Variants in OLFM3 observed in about 807,000 individuals in gnomAD.
OLFM3 encodes olfactomedin 3.
OLFM3 carries 20 observed loss-of-function variants against 48.6 expected under a neutral mutation model. The ratio of observed to expected loss-of-function variants is 0.41; its 90% CI spans 0.29 to 0.60. OLFM3 has a LOEUF of 0.60. OLFM3 is among the 20% of genes least tolerant of loss of function. The pLI, the probability that OLFM3 is intolerant of heterozygous loss-of-function variation, is 0.28. For missense variants in OLFM3, 437 were observed against 544.3 expected (o/e 0.80, Z 1.96); for synonymous variants, 222 against 198.1 (o/e 1.12, Z -1.01).
rs1658032293 is a variant in OLFM3, at chr1:101,892,346, C to T, written c.70-55321G>A. Among the ~76,000 whole-genome samples, 5 of 152,016 alleles carry T rather than the reference C, an allele frequency of 3.3e-5. No individual in the cohort carries two copies. In the South Asian group the frequency reaches 1.0e-3, roughly 32 times the overall value. ...GAATATAAGAGACCCCAGCAGACAG[C>T]CAGTCAAATTTAAGCTTCTATACAA... On this transcript the variant is annotated intron_variant, in intron 1 of 5. Transcript: ENST00000370103.
intron 1 of OLFM3, among the ~76,000 whole-genome samples, chr1:101,985,950 A>G (rs922672974): frequency 1.3e-5 from 2 of 151,544 alleles, no homozygotes; most frequent in Non-Finnish European, 2.9e-5. Flanking sequence ...AAAGAATGAA[A>G]AAATGATGAA....
chr1:101,991,014 A>ATATATATAT (rs1303098017), intron 1 of OLFM3, among the ~76,000 whole-genome samples: 1 of 67,150 alleles, frequency 1.5e-5, no homozygotes, highest in African/African-American at 6.1e-5. Flanking sequence ...AAAAAAAAAA[A>ATATATATAT]AAATATATAT....
intron 1 of OLFM3, among the ~76,000 whole-genome samples, chr1:101,968,484 T>C (rs1214857531): frequency 6.9e-6 from 1 of 145,452 alleles, no homozygotes; most frequent in Non-Finnish European, 1.5e-5. Flanking sequence ...TGGGGTATCA[T>C]CTAGTAAAGG....
intron 1 of OLFM3, among the ~76,000 whole-genome samples, chr1:101,979,693 C>T (rs935880063): frequency 5.9e-5 from 9 of 152,244 alleles, no homozygotes; most frequent in East Asian, 1.9e-4. Flanking sequence ...TCTGCTAGGG[C>T]GGTACAGAAG....
At chr1:101,846,821 G>A (rs184672094) in intron 1 of OLFM3, 2 of 1,573,820 alleles carry the variant, frequency 1.3e-6, no homozygotes, top group East Asian at 2.2e-5. Context: ...TCTCAAGATG[G>A]CCAAACCCAC....
At chr1:101,827,505 G>C (rs1001715903) in intron 3 of OLFM3, among the ~76,000 whole-genome samples, 23 of 152,096 alleles carry the variant, frequency 1.5e-4, no homozygotes, top group Non-Finnish European at 2.9e-4. Flanking sequence ...ATTTTTAGTA[G>C]AGACAGGGTA....
At position 101,994,703 on chromosome 1, in the gene OLFM3, A is replaced by G. The variant is rs78186938; in HGVS notation, c.69+2045T>C. ...TAAAACTTTTTACAACATTAAAATT[A>G]CTTGTTTTGAAAGTTTTAATATTCT... On this transcript the variant is annotated intron_variant, in intron 1 of 5. Transcript: ENST00000370103. 1.8e-4 allele frequency among the ~76,000 whole-genome samples: 28 copies of G among 151,618 alleles called. 1 individual carries two copies. In the East Asian group the frequency reaches 5.0e-3, roughly 27 times the overall value.
chr1:101,815,492 A>G (rs1654292661), intron 4 of OLFM3, among the ~76,000 whole-genome samples: 1 of 151,912 alleles, frequency 6.6e-6, no homozygotes, highest in African/African-American at 2.4e-5. Flanking sequence ...GATTTAGGTG[A>G]AAGATGATGG....
At chr1:101,862,579 A>G (rs542007763) in intron 1 of OLFM3, among the ~76,000 whole-genome samples, 2 of 152,358 alleles carry the variant, frequency 1.3e-5, no homozygotes, top group South Asian at 4.1e-4. Flanking sequence ...CAATAAATGG[A>G]GGAATTCATT....
chr1:101,934,921 G>A (rs942193853), intron 1 of OLFM3, among the ~76,000 whole-genome samples: 2 of 152,056 alleles, frequency 1.3e-5, no homozygotes, highest in Admixed American at 6.6e-5. Context: ...TGAAACTAAT[G>A]AGACCAAAGA....
At chr1:101,824,675 ACAACAAC>A (rs1319892598) in intron 4 of OLFM3, among the ~76,000 whole-genome samples, 3 of 151,124 alleles carry the variant, frequency 2.0e-5, no homozygotes, top group African/African-American at 7.3e-5. Flanking sequence ...AACAACAACA[ACAACAAC>A]AAAAAACAGT....
intron 1 of OLFM3, among the ~76,000 whole-genome samples, chr1:101,911,061 T>A (rs1658745786): frequency 6.6e-6 from 1 of 152,204 alleles, no homozygotes; most frequent in South Asian, 2.1e-4. Flanking sequence ...TAATATTTTA[T>A]GAATTTCGTT....
At chr1:101,978,773 A>G (rs978524314) in intron 1 of OLFM3, among the ~76,000 whole-genome samples, 1 of 152,116 alleles carries the variant, frequency 6.6e-6, no homozygotes, top group Admixed American at 6.5e-5. Context: ...CGCTCCTTTC[A>G]TTCTATTATA....
intron 1 of OLFM3, among the ~76,000 whole-genome samples, chr1:101,990,989 T>TAAAAAAAAAAAAAAAA (rs58481588): frequency 1.1e-4 from 1 of 8,902 alleles, no homozygotes; most frequent in Non-Finnish European, 2.5e-4. Flanking sequence ...TGTCAAAAAG[T>TAAAAAAAAAAAAAAAA]AAAAAAAAAA....
intron 1 of OLFM3, among the ~76,000 whole-genome samples, chr1:101,872,418 G>C (rs372038730): frequency 8.5e-5 from 13 of 152,128 alleles, no homozygotes; most frequent in African/African-American, 3.1e-4. Flanking sequence ...AGGTATTTAG[G>C]ATTGATTGGA....
At chr1:101,919,611 C>G (rs1456929500) in intron 1 of OLFM3, among the ~76,000 whole-genome samples, 1 of 152,188 alleles carries the variant, frequency 6.6e-6, no homozygotes, top group African/African-American at 2.4e-5. Flanking sequence ...TTCTTTAACC[C>G]CTTAACCCGC....
At chr1:101,938,732 G>A (rs1042307217) in intron 1 of OLFM3, among the ~76,000 whole-genome samples, 4 of 152,100 alleles carry the variant, frequency 2.6e-5, no homozygotes, top group Non-Finnish European at 5.9e-5. Flanking sequence ...GATCTGTTAG[G>A]CCCACTCCCT....
At chr1:101,837,277 C>T (rs909158820) in intron 1 of OLFM3, among the ~76,000 whole-genome samples, 3 of 152,158 alleles carry the variant, frequency 2.0e-5, no homozygotes, top group African/African-American at 7.2e-5. Context: ...ATTTTGATCT[C>T]ATACTATTTC....
Position 101,846,936 on chromosome 1 carries a change from C to G in OLFM3, c.70-9911G>C, listed in dbSNP as rs772160314. On this transcript the variant is annotated intron_variant, in intron 1 of 5. Transcript: ENST00000370103. ...CCAGTTTGAGATCATTGCCATGGTA[C>G]TAAGCACAGCGCCAAGCTTCAGCAG... 11 of 1,612,654 alleles carry G rather than the reference C, an allele frequency of 6.8e-6. No homozygotes were observed. In the Admixed American group the frequency reaches 1.8e-4, roughly 27 times the overall value.
Sources: allele counts gnomAD v4.1 joint callset (sites outside exome capture counted in the v4.1 genomes callset), GRCh38; gene constraint gnomAD v4.1.1; transcripts MANE v1.5; gene names NCBI Gene and HGNC (gene_info 2026-07-23, HGNC 2026-07-21).